The following KCTD1 variants were observed in gnomAD, a reference collection of about 807,000 sequenced individuals.
KCTD1 encodes potassium channel tetramerization domain containing 1.
KCTD1 carries 24 observed loss-of-function variants against 66.0 expected under a neutral mutation model. The observed-to-expected ratio is 0.36, with a 90% CI of 0.26 to 0.51. The LOEUF is 0.51. KCTD1 is among the 20% of genes least tolerant of loss of function. The pLI, the probability that KCTD1 is intolerant of heterozygous loss-of-function variation, is 0.95. For missense variants in KCTD1, 943 were observed against 1,205.2 expected, an observed-to-expected ratio of 0.78 and a Z score of 3.22; for synonymous variants, 511 against 517.2, an observed-to-expected ratio of 0.99 and a Z score of 0.16.
chr18:26,572,007 TAA>T (rs1240111822), intron 1 of KCTD1, among the ~76,000 whole-genome samples: 3 of 152,144 alleles, frequency 2.0e-5, no homozygotes, highest in African/African-American at 7.2e-5. Context: ...AAAAAAAAAT[TAA>T]ACTTCATGCT....
At chr18:26,600,234 C>T in intron 1 of KCTD1, 1 of 1,606,092 alleles carries the variant, frequency 6.2e-7, no homozygotes, top group Non-Finnish European at 8.5e-7. Context: ...GTGGAAACTG[C>T]TACCTGGGTG....
At chr18:26,631,275 A>G (rs948665224), upstream of KCTD1, among the ~76,000 whole-genome samples, 1 of 152,206 alleles carries the variant, frequency 6.6e-6, no homozygotes, top group African/African-American at 2.4e-5. Context: ...GAAATGTGTT[A>G]TTAGGCAATT....
At chr18:26,641,896 T>C (rs113392016), upstream of KCTD1, among the ~76,000 whole-genome samples, 15 of 152,214 alleles carry the variant, frequency 9.9e-5, 1 homozygote, top group African/African-American at 3.6e-4. Context: ...TACACATGCA[T>C]ATGTGTACAA....
At chr18:26,481,971 C>T (rs1276733851) in intron 2 of KCTD1, among the ~76,000 whole-genome samples, 1 of 152,220 alleles carries the variant, frequency 6.6e-6, no homozygotes, top group Non-Finnish European at 1.5e-5. Flanking sequence ...CCCTGTCATT[C>T]TGAAGTGTCA....
At chr18:26,569,640 C>T (rs1222741642) in intron 1 of KCTD1, among the ~76,000 whole-genome samples, 2 of 152,054 alleles carry the variant, frequency 1.3e-5, no homozygotes, top group Non-Finnish European at 2.9e-5. Context: ...TAAACTGTTA[C>T]ATTAATTGTT....
intron 1 of KCTD1, among the ~76,000 whole-genome samples, chr18:26,578,415 AT>A (rs1986279906): frequency 6.6e-6 from 1 of 152,298 alleles, no homozygotes; most frequent in African/African-American, 2.4e-5. Context: ...ATCATAAACT[AT>A]TGTTAGTATT....
chr18:26,564,014 A>G (rs1985922453), intron 1 of KCTD1, among the ~76,000 whole-genome samples: 1 of 139,786 alleles, frequency 7.2e-6, no homozygotes, highest in African/African-American at 3.0e-5. Context: ...ATTCAAAGAG[A>G]GGGGCTTTTT....
chr18:26,510,559 T>G lies in KCTD1; in HGVS notation c.1810-9309A>C, dbSNP rs572072083. 2.0e-5 allele frequency among the ~76,000 whole-genome samples: 3 copies of G among 152,296 alleles called. No homozygotes were observed. In the South Asian group the frequency reaches 6.2e-4, roughly 32 times the overall value. Reference sequence around the variant, plus strand: ...ACAGAGTGAGTGTCCTCAACATGCCTTTTTGTTTTTTTTCTTTTTCATAGT... The same window carrying G: ...ACAGAGTGAGTGTCCTCAACATGCCGTTTTGTTTTTTTTCTTTTTCATAGT... On this transcript the variant is annotated intron_variant, in intron 1 of 4. Coordinates refer to ENST00000580059, the MANE Select transcript of KCTD1 (RefSeq NM_001142730.3).
intron 2 of KCTD1, among the ~76,000 whole-genome samples, chr18:26,489,566 T>A (rs998504082): frequency 1.3e-5 from 2 of 152,174 alleles, no homozygotes; most frequent in Non-Finnish European, 2.9e-5. Context: ...CAATCCTGAA[T>A]ATTTAAATGA....
intron 1 of KCTD1, among the ~76,000 whole-genome samples, chr18:26,536,823 G>T (rs1984731027): frequency 6.6e-6 from 1 of 151,918 alleles, no homozygotes; most frequent in African/African-American, 2.4e-5. Context: ...CTTTCTCTCA[G>T]ATCTTGGCTC....
chr18:26,635,070 G>A (rs1264869867), intron 1 of KCTD1, among the ~76,000 whole-genome samples: 2 of 152,074 alleles, frequency 1.3e-5, no homozygotes, highest in Non-Finnish European at 2.9e-5. Flanking sequence ...TTGGAACCTT[G>A]TCTTTATTAA....
chr18:26,657,237 G>C (rs1988176674), intron 1 of KCTD1: 1 of 722,000 alleles, frequency 1.4e-6, no homozygotes, highest in Non-Finnish European at 1.7e-6. Context: ...GGCGGGCGGC[G>C]TGTGTGCGAG....
intron 1 of KCTD1, among the ~76,000 whole-genome samples, chr18:26,602,947 T>A (rs1045405964): frequency 6.6e-6 from 1 of 152,148 alleles, no homozygotes; most frequent in African/African-American, 2.4e-5. Flanking sequence ...TGGAACAGAA[T>A]GGAGAGCCCA....
chr18:26,530,092 G>A (rs1984364469), intron 1 of KCTD1, among the ~76,000 whole-genome samples: 1 of 152,196 alleles, frequency 6.6e-6, no homozygotes, highest in Admixed American at 6.5e-5. Flanking sequence ...AGACTAGACA[G>A]ATTCATGCCC....
At chr18:26,500,176 G>A (rs1310443744) in intron 2 of KCTD1, among the ~76,000 whole-genome samples, 5 of 151,830 alleles carry the variant, frequency 3.3e-5, no homozygotes, top group East Asian at 3.9e-4. Context: ...CAGCACTTTC[G>A]GAGGCTGAGA....
intron 2 of KCTD1, among the ~76,000 whole-genome samples, chr18:26,487,679 G>T (rs544445197): frequency 8.5e-5 from 13 of 152,206 alleles, no homozygotes; most frequent in African/African-American, 2.9e-4. Context: ...AACAATGCAC[G>T]GTCTGTAGGT....
At chr18:26,622,759 G>A (rs553633832) in intron 1 of KCTD1, among the ~76,000 whole-genome samples, 1 of 152,190 alleles carries the variant, frequency 6.6e-6, no homozygotes, top group Non-Finnish European at 1.5e-5. Context: ...GGGTGGAGAG[G>A]GTAGAGAGGG....
chr18:26,471,147 C>G (rs183048645), intron 3 of KCTD1, among the ~76,000 whole-genome samples: 3 of 152,062 alleles, frequency 2.0e-5, no homozygotes, highest in Non-Finnish European at 4.4e-5. Flanking sequence ...AGTATACAGC[C>G]CCCCCAGGTC....
intron 1 of KCTD1, among the ~76,000 whole-genome samples, chr18:26,580,017 G>A (rs1986317192): frequency 6.6e-6 from 1 of 152,154 alleles, no homozygotes; most frequent in Admixed American, 6.5e-5. Flanking sequence ...TCAGAAGCAG[G>A]TAAGTTCCAT....
Sources: allele counts gnomAD v4.1 joint callset (sites outside exome capture counted in the v4.1 genomes callset), GRCh38; gene constraint gnomAD v4.1.1; transcripts MANE v1.5; gene names NCBI Gene and HGNC (gene_info 2026-07-23, HGNC 2026-07-21).